Variants in C14orf93 observed in about 807,000 individuals in gnomAD.
C14orf93 encodes chromosome 14 open reading frame 93.
A neutral mutation model predicts 44.0 loss-of-function variants in C14orf93; 23 were observed. That is an observed-to-expected ratio of 0.52 (90% confidence interval 0.38 to 0.74). The LOEUF is 0.74. Ranked by LOEUF, C14orf93 falls within the 30% of genes least tolerant of loss-of-function variation. The probability of loss-of-function intolerance (pLI) is 0.00; values close to 1 mark genes in which losing one functional copy is unlikely to be tolerated. For missense variants in C14orf93, 579 were observed against 678.9 expected, an observed-to-expected ratio of 0.85 and a Z score of 1.64; for synonymous variants, 253 against 265.7, an observed-to-expected ratio of 0.95 and a Z score of 0.46.
intron 1 of C14orf93, chr14:23,001,050 C>T (rs1332771703): frequency 6.6e-6 from 1 of 152,116 alleles, no homozygotes; most frequent in Non-Finnish European, 1.5e-5. Flanking sequence ...AAAGGTTAAA[C>T]CAAATTAAAA....
intron 5 of C14orf93, among the ~76,000 whole-genome samples, chr14:22,988,547 C>T (rs1288476845): frequency 1.3e-5 from 2 of 152,110 alleles, no homozygotes; most frequent in African/African-American, 2.4e-5. Context: ...GTCACCCAGG[C>T]TTGAGGGCAG....
Position 22,987,420 on chromosome 14 carries a change from CG to C in C14orf93, c.1411del (p.Arg471ValfsTer56). The C allele has an allele frequency of 6.2e-7, 1 of 1,614,252 alleles. No homozygotes were observed. Among genetic ancestry groups the C allele is most frequent in the South Asian group, 1.1e-5 (1 of 91,092 alleles). On this transcript the variant is annotated frameshift_variant, in exon 7 of 7. Coordinates refer to ENST00000299088, the MANE Select transcript of C14orf93 (RefSeq NM_021944.4). LOFTEE classifies it high-confidence loss of function. The surrounding 1 kb of genome is among the most constrained non-coding windows in gnomAD (Gnocchi z 5.6). ...ANSKHGTKAN[R>X]VYGPPSDRLP... The stretch of plus-strand genomic sequence containing the variant: ...TCTGTCTGAGGGAGGCCCATACACA[CG>C]GTTGGCTTTGGTGCCATGCTTAGAG...
Position 22,987,475 on chromosome 14 carries a change from T to A in C14orf93, c.1357A>T (p.Thr453Ser). 3.7e-6 allele frequency: 6 copies of A among 1,614,242 alleles called. No homozygotes were observed. The African/African-American group carries it at 6.7e-5, about 18-fold the overall frequency. ...RPPRFRAQRL[T>S]ELCYHLDANS... ...GCATCCAGGTGGTAGCAGAGCTCTGTGAGGCGCTGGGCCCGGAAACGGGGA... is the reference window on the plus strand; with the variant it reads ...GCATCCAGGTGGTAGCAGAGCTCTGAGAGGCGCTGGGCCCGGAAACGGGGA... Residue 453 changes from threonine (T) to serine (S), a missense_variant, in exon 7 of 7, where the codon ACA becomes TCA. Thr to Ser is a moderately conservative substitution (Grantham distance 58). Transcript: ENST00000299088. The surrounding 1 kb of genome is among the most constrained non-coding windows in gnomAD (Gnocchi z 5.6).
chr14:23,008,154 CAAAAAAAAAA>C (rs55936083), intron 1 of C14orf93, among the ~76,000 whole-genome samples: 22 of 85,088 alleles, frequency 2.6e-4, no homozygotes, highest in East Asian at 1.7e-3. Flanking sequence ...AACTCCGTTT[CAAAAAAAAAA>C]AAAAAAAAAA....
At chr14:22,995,679 CAAAAAAAAAAAAAAA>C (rs58710730) in intron 3 of C14orf93, among the ~76,000 whole-genome samples, 19 of 45,040 alleles carry the variant, frequency 4.2e-4, no homozygotes, top group African/African-American at 1.4e-3. Context: ...GACTCTGACT[CAAAAAAAAAAAAAAA>C]AAAAAAAAAG....
chr14:23,001,543 C>A (rs1489920640), intron 1 of C14orf93, among the ~76,000 whole-genome samples: 1 of 152,180 alleles, frequency 6.6e-6, no homozygotes, highest in Non-Finnish European at 1.5e-5. Context: ...CGGCTCACTG[C>A]AAGCTCTGCC....
rs397709228 is a variant in C14orf93, at chr14:23,002,451, C to CAA, written c.-379-3051_-379-3050dup. Among the ~76,000 whole-genome samples, 294 of 88,982 alleles carry CAA rather than the reference C, an allele frequency of 3.3e-3. 2 individuals carry two copies. The highest frequency in any genetic ancestry group is 9.3e-3 in the Admixed American group (73 of 7,810). The allele number at this position is 88,982 out of a possible 152,430, so 58.4% of individuals were successfully genotyped here. ...TGGGTGATGGAACGAGACTCCATCT[C>CAA]AAAAAAAAAAAAAAAAAAATGAGGT... On this transcript the variant is annotated intron_variant, in intron 1 of 6. Coordinates refer to ENST00000299088, the MANE Select transcript of C14orf93 (RefSeq NM_021944.4).
At chr14:23,003,875 TATATATATATATATA>T (rs1566696524) in intron 1 of C14orf93, among the ~76,000 whole-genome samples, 17 of 14,264 alleles carry the variant, frequency 1.2e-3, no homozygotes, top group Non-Finnish European at 2.0e-3. Context: ...TATATATATA[TATATATATATATATA>T]TATATATATT....
At position 22,986,696 on chromosome 14, in the gene C14orf93, G is replaced by A. The variant is rs765780446; in HGVS notation, c.*519C>T. The A allele has an allele frequency of 3.8e-5, 6 of 158,266 alleles. No homozygotes were observed. The highest frequency in any genetic ancestry group is 7.0e-5 in the Non-Finnish European group (5 of 71,208). 9.8% of individuals were successfully genotyped at this position (158,266 alleles called of 1,614,324 possible). On this transcript the variant is annotated 3_prime_UTR_variant, in exon 7 of 7. Transcript: ENST00000299088. ...GGAACCCAATTCCCCAATAGTGATA[G>A]AACTTGTGTTCCCTTGGTCAGAAGA... is the stretch of plus-strand genomic sequence containing the variant.
At chr14:22,998,050 T>C in intron 2 of C14orf93, 1 of 195,504 alleles carries the variant, frequency 5.1e-6, no homozygotes, top group Non-Finnish European at 1.0e-5. Flanking sequence ...ACTGAATTCC[T>C]CTTGGCAAGC....
At chr14:23,002,052 G>A (rs564057682) in intron 1 of C14orf93, among the ~76,000 whole-genome samples, 5 of 151,424 alleles carry the variant, frequency 3.3e-5, no homozygotes, top group South Asian at 2.1e-4. Flanking sequence ...TGGAGGCTGA[G>A]GCAGGAGAAT....
At chr14:23,009,594 A>G (rs931675927) in intron 1 of C14orf93, among the ~76,000 whole-genome samples, 5 of 152,180 alleles carry the variant, frequency 3.3e-5, no homozygotes, top group Non-Finnish European at 7.3e-5. Context: ...ATAATATCCC[A>G]ATATTAACTT....
chr14:23,001,401 T>C (rs1173375893), intron 1 of C14orf93, among the ~76,000 whole-genome samples: 1 of 152,206 alleles, frequency 6.6e-6, no homozygotes, highest in Non-Finnish European at 1.5e-5. Flanking sequence ...TTACTCTTTC[T>C]TGCAAGAGGC....
At position 22,998,910 on chromosome 14, in the gene C14orf93, C is replaced by T; in HGVS notation, c.114G>A (p.Gly38=). ...TGATGGGGGTGCTGGGAGGAGGATT[C>T]CCACCCTGGGAGCCTGTGTTGCCTC... ...TNGGNTGSQG[G]NPPPSTPITV... Residue 38 remains glycine, a synonymous_variant, in exon 2 of 7, where the codon GGG becomes GGA. Coordinates refer to ENST00000299088, the MANE Select transcript of C14orf93 (RefSeq NM_021944.4). The T allele has an allele frequency of 6.2e-7, 1 of 1,612,812 alleles. No homozygotes were observed. Among genetic ancestry groups the T allele is most frequent in the Non-Finnish European group, 8.5e-7 (1 of 1,179,654 alleles).
rs2045451022 is a variant in C14orf93 at position 22,989,402 on chromosome 14, G to A, written c.1084+340C>T. Among the ~76,000 whole-genome samples the A allele has an allele frequency of 2.0e-5, 3 of 152,108 alleles. No homozygotes were observed. In the South Asian group the frequency reaches 6.2e-4, roughly 32 times the overall value. On this transcript the variant is annotated intron_variant, in intron 5 of 6. Transcript: ENST00000299088. ...TGGGAAATAATATTTAGGGACCAAG[G>A]GGCAGGCCTGGCTTCTGAACATAAC...
Position 22,998,623 on chromosome 14 carries a change from G to C in C14orf93, c.401C>G (p.Ala134Gly), listed in dbSNP as rs759432044. Residue 134 changes from alanine (A) to glycine (G), a missense_variant, in exon 2 of 7, where the codon GCC becomes GGC. Physicochemically the swap from Ala to Gly is moderately conservative, Grantham distance 60 (BLOSUM62 0). Coordinates refer to ENST00000299088, the MANE Select transcript of C14orf93 (RefSeq NM_021944.4). ...PGPLKESPGEAFKALSAVEEE... is the reference protein window; with the variant it reads ...PGPLKESPGEGFKALSAVEEE... Reference sequence around the variant, plus strand: ...TTCCACGGCAGACAGAGCCTTAAAGGCTTCCCCGGGACTTTCCTTGAGAGG... The same window carrying C: ...TTCCACGGCAGACAGAGCCTTAAAGCCTTCCCCGGGACTTTCCTTGAGAGG... 12 of 1,613,944 alleles carry C rather than the reference G, an allele frequency of 7.4e-6. No homozygotes were observed. Among genetic ancestry groups the C allele is most frequent in the Admixed American group, 3.3e-5 (2 of 60,002 alleles).
intron 1 of C14orf93, among the ~76,000 whole-genome samples, chr14:23,007,549 TA>T (rs1033371160): frequency 6.6e-6 from 1 of 152,178 alleles, no homozygotes; most frequent in African/African-American, 2.4e-5. Flanking sequence ...TTTCCAATAC[TA>T]GGGGCCCCGA....
intron 5 of C14orf93, 149 bp downstream of exon 5, chr14:22,989,593 A>G (rs2045463545): frequency 1.6e-6 from 1 of 608,534 alleles, no homozygotes. Flanking sequence ...AATATATTGA[A>G]GGTGAGAATA....
chr14:22,994,550 G>A (rs1419730189), intron 3 of C14orf93, among the ~76,000 whole-genome samples: 1 of 149,452 alleles, frequency 6.7e-6, no homozygotes, highest in African/African-American at 2.5e-5. Context: ...AGACCAGCCT[G>A]GGCAACTAAA....
Sources: gnomAD v4.1 joint callset for allele counts (sites outside exome capture counted in the v4.1 genomes callset) on GRCh38, gnomAD v4.1.1 for gene constraint, Gnocchi (gnomAD v3.1) non-coding constraint, MANE v1.5 for transcripts, NCBI Gene and HGNC (gene_info 2026-07-23, HGNC 2026-07-21) for gene names.